CDKAL1: variants seen among roughly 807,000 people sequenced by gnomAD.
CDKAL1 encodes threonylcarbamoyladenosine tRNA methylthiotransferase.
A neutral mutation model predicts 68.2 loss-of-function variants in CDKAL1; 32 were observed. The ratio of observed to expected loss-of-function variants is 0.47; its 90% CI spans 0.35 to 0.63. The LOEUF is 0.63. Among genes scored for constraint, CDKAL1 ranks in the 30% least tolerant of loss-of-function variants. The probability of loss-of-function intolerance (pLI) is 0.00; values close to 1 mark genes in which losing one functional copy is unlikely to be tolerated. For missense variants in CDKAL1, 606 were observed against 696.7 expected (o/e 0.87, Z 1.47); for synonymous variants, 234 against 244.3 (o/e 0.96, Z 0.39).
chr6:20,704,657 G>C (rs577019605), intron 5 of CDKAL1, among the ~76,000 whole-genome samples: 1 of 152,292 alleles, frequency 6.6e-6, no homozygotes, highest in African/African-American at 2.4e-5. Flanking sequence ...TGTATGAGGT[G>C]ACAGCAGTAT....
intron 9 of CDKAL1, among the ~76,000 whole-genome samples, chr6:20,909,382 C>T (rs1158218723): frequency 6.6e-6 from 1 of 152,138 alleles, no homozygotes; most frequent in Non-Finnish European, 1.5e-5. Context: ...TATCCCAGAT[C>T]AGCATCTTTT....
chr6:20,883,943 TA>T (rs961336373), intron 9 of CDKAL1, among the ~76,000 whole-genome samples: 2 of 152,098 alleles, frequency 1.3e-5, no homozygotes, highest in Admixed American at 6.6e-5. Flanking sequence ...GAAATTCATC[TA>T]AAAAATAGAA....
At chr6:20,952,590 T>C (rs1440365707) in intron 9 of CDKAL1, among the ~76,000 whole-genome samples, 3 of 152,228 alleles carry the variant, frequency 2.0e-5, no homozygotes, top group African/African-American at 4.8e-5. Context: ...TTTGGATGAA[T>C]TGAGAACTGA....
intron 13 of CDKAL1, among the ~76,000 whole-genome samples, chr6:21,179,160 G>A (rs1036155125): frequency 3.3e-5 from 5 of 152,160 alleles, no homozygotes; most frequent in African/African-American, 7.2e-5. Flanking sequence ...GGTGAGGGAG[G>A]GCCACAATAA....
chr6:21,179,028 A>G (rs1458594532), intron 13 of CDKAL1, among the ~76,000 whole-genome samples: 4 of 152,260 alleles, frequency 2.6e-5, no homozygotes, highest in African/African-American at 9.6e-5. Context: ...GAAGTTGAGA[A>G]ACTCTTATTT....
intron 5 of CDKAL1, among the ~76,000 whole-genome samples, chr6:20,732,623 C>T (rs986415107): frequency 3.3e-5 from 5 of 151,984 alleles, no homozygotes; most frequent in East Asian, 1.9e-4. Flanking sequence ...GAATCATTCC[C>T]GTTGTCTGCA....
chr6:20,966,003 T>C (rs950968463), intron 10 of CDKAL1, among the ~76,000 whole-genome samples: 1 of 152,212 alleles, frequency 6.6e-6, no homozygotes, highest in Non-Finnish European at 1.5e-5. Flanking sequence ...AAGGCTACCT[T>C]AGGCACTTGC....
At chr6:20,946,856 C>T (rs1253893460) in intron 9 of CDKAL1, among the ~76,000 whole-genome samples, 1 of 152,176 alleles carries the variant, frequency 6.6e-6, no homozygotes. Context: ...CTCAGCCTCC[C>T]AGAGTGCTGG....
At chr6:21,202,266 A>C (rs1039502069) in intron 15 of CDKAL1, among the ~76,000 whole-genome samples, 2 of 152,216 alleles carry the variant, frequency 1.3e-5, no homozygotes, top group African/African-American at 4.8e-5. Flanking sequence ...ATCTGCGTGC[A>C]TGGCCGTCTA....
At chr6:21,228,172 C>G (rs1779824734) in intron 15 of CDKAL1, among the ~76,000 whole-genome samples, 1 of 152,074 alleles carries the variant, frequency 6.6e-6, no homozygotes, top group African/African-American at 2.4e-5. Context: ...ATTTGAGGGG[C>G]CCCTTCCAAG....
intron 4 of CDKAL1, among the ~76,000 whole-genome samples, chr6:20,630,004 C>T (rs965455055): frequency 2.6e-5 from 4 of 152,208 alleles, no homozygotes; most frequent in Non-Finnish European, 5.9e-5. Context: ...TGGGCACCCA[C>T]CACCACACCT....
At chr6:20,954,930 T>G (rs1764708383) in intron 9 of CDKAL1, among the ~76,000 whole-genome samples, 1 of 152,216 alleles carries the variant, frequency 6.6e-6, no homozygotes, top group Admixed American at 6.5e-5. Context: ...ATAGTTGCTA[T>G]GAGAAAAATG....
chr6:20,964,866 C>A (rs1394249625), intron 10 of CDKAL1, among the ~76,000 whole-genome samples: 1 of 152,026 alleles, frequency 6.6e-6, no homozygotes, highest in African/African-American at 2.4e-5. Context: ...TGCCATTGAC[C>A]CAAATTATTG....
At chr6:20,718,030 A>G (rs974848614) in intron 5 of CDKAL1, among the ~76,000 whole-genome samples, 3 of 152,182 alleles carry the variant, frequency 2.0e-5, no homozygotes, top group African/African-American at 4.8e-5. Context: ...CCACTCTAAC[A>G]CAGATGACTG....
At chr6:21,183,524 A>G (rs1254520585) in intron 13 of CDKAL1, among the ~76,000 whole-genome samples, 1 of 152,210 alleles carries the variant, frequency 6.6e-6, no homozygotes, top group Non-Finnish European at 1.5e-5. Context: ...GAGCTCCAAG[A>G]CAGTTTTCTA....
At chr6:20,701,648 T>C (rs1383829377) in intron 5 of CDKAL1, among the ~76,000 whole-genome samples, 1 of 152,088 alleles carries the variant, frequency 6.6e-6, no homozygotes, top group Non-Finnish European at 1.5e-5. Flanking sequence ...GGTTTTTCCC[T>C]TTTTTTCTAC....
At chr6:20,986,456 GA>G (rs913277966) in intron 10 of CDKAL1, among the ~76,000 whole-genome samples, 8 of 151,816 alleles carry the variant, frequency 5.3e-5, no homozygotes, top group African/African-American at 1.7e-4. Context: ...TTTTAATAGA[GA>G]AAAAATGTAT....
intron 9 of CDKAL1, among the ~76,000 whole-genome samples, chr6:20,855,460 A>G (rs1379135198): frequency 6.7e-6 from 1 of 149,470 alleles, no homozygotes; most frequent in Non-Finnish European, 1.5e-5. Flanking sequence ...AAAAAAAAAA[A>G]AAAAAAAAAA....
intron 13 of CDKAL1, among the ~76,000 whole-genome samples, chr6:21,122,996 A>G (rs1015816773): frequency 6.6e-6 from 1 of 152,114 alleles, no homozygotes; most frequent in Non-Finnish European, 1.5e-5. Context: ...ATGTGTTTTT[A>G]TGTACATTTG....
Sources: allele counts gnomAD v4.1 joint callset (sites outside exome capture counted in the v4.1 genomes callset), GRCh38; gene constraint gnomAD v4.1.1; transcripts MANE v1.5; gene names NCBI Gene and HGNC (gene_info 2026-07-23, HGNC 2026-07-21).